The following CELF2 variants were observed in gnomAD, a reference collection of about 807,000 sequenced individuals.
The protein encoded by CELF2 is CUG triplet repeat RNA-binding protein 2.
CELF2 carries 8 observed loss-of-function variants against 62.6 expected under a neutral mutation model. The ratio of observed to expected loss-of-function variants is 0.13; its 90% CI spans 0.07 to 0.23. The LOEUF (loss-of-function observed/expected upper bound fraction) is 0.23, where lower values mean the gene tolerates loss of function less well. CELF2 is among the 10% of genes least tolerant of loss of function. The pLI is 1.00. For missense variants in CELF2, 333 were observed against 671.0 expected, an observed-to-expected ratio of 0.50 and a Z score of 5.56; for synonymous variants, 258 against 250.0, an observed-to-expected ratio of 1.03 and a Z score of -0.30.
At chr10:10,468,657 A>G in the CELF2 span, among the ~76,000 whole-genome samples, 136 of 152,114 alleles carry the variant, frequency 8.9e-4, 1 homozygote, top group Middle Eastern at 6.8e-3. Flanking sequence ...GGCCTCTTCA[A>G]CTAGGGCGTG....
chr10:10,869,701 G>A (rs2060614394), intron 1 of CELF2, among the ~76,000 whole-genome samples: 1 of 152,122 alleles, frequency 6.6e-6, no homozygotes, highest in Admixed American at 6.5e-5. Context: ...CAGCCTTTGG[G>A]ATCCTCCATC....
the CELF2 span, among the ~76,000 whole-genome samples, chr10:10,639,694 G>A: frequency 2.0e-5 from 3 of 152,204 alleles, no homozygotes; most frequent in East Asian, 3.9e-4. Context: ...TTTATGTTTC[G>A]TGTAGGCTTT....
chr10:11,189,069 G>C (rs1383774312), intron 2 of CELF2, among the ~76,000 whole-genome samples: 1 of 152,124 alleles, frequency 6.6e-6, no homozygotes, highest in East Asian at 1.9e-4. Context: ...TCTAGCATCT[G>C]TATGATTATT....
At chr10:10,975,044 A>G (rs1435092165) in intron 2 of CELF2, among the ~76,000 whole-genome samples, 1 of 152,222 alleles carries the variant, frequency 6.6e-6, no homozygotes, top group Non-Finnish European at 1.5e-5. Flanking sequence ...TAGCCTCAGG[A>G]GCACAGGTTT....
chr10:10,724,705 A>G, the CELF2 span, among the ~76,000 whole-genome samples: 1 of 151,432 alleles, frequency 6.6e-6, no homozygotes, highest in South Asian at 2.1e-4. Context: ...TCTGCAACCT[A>G]AGTATGTGGG....
the CELF2 span, among the ~76,000 whole-genome samples, chr10:10,605,090 C>T: frequency 3.9e-4 from 60 of 152,252 alleles, no homozygotes; most frequent in African/African-American, 1.4e-3. Context: ...ACTATGCAGC[C>T]ATTAAAAAGA....
chr10:11,324,297 G>T lies in CELF2; in HGVS notation c.1295-1539G>T, dbSNP rs572766676. 6.6e-6 allele frequency among the ~76,000 whole-genome samples: 1 copy of T among 152,328 alleles called. No individual in the cohort carries two copies. The highest frequency in any genetic ancestry group is 2.1e-4 in the South Asian group (1 of 4,828). ...GTGCATTTGGATCTTTTGTGCAGTA[G>T]CAACATGAAAGCTGGTAGCACCAAA... On this transcript the variant is annotated intron_variant, in intron 11 of 12. Transcript: ENST00000633077. This position sits in a 1 kb window ranked among gnomAD's most constrained non-coding sequence, Gnocchi z 4.7.
intron 1 of CELF2, among the ~76,000 whole-genome samples, chr10:11,129,790 G>A (rs1252246179): frequency 2.0e-5 from 3 of 152,142 alleles, no homozygotes; most frequent in Admixed American, 2.0e-4. Context: ...CTTGCTAGAG[G>A]TCTACCAATT....
the CELF2 span, among the ~76,000 whole-genome samples, chr10:10,503,404 GTGCTTGATGTATACACACTTAGGA>G: frequency 2.0e-5 from 3 of 151,860 alleles, no homozygotes; most frequent in Non-Finnish European, 4.4e-5. Context: ...TTGCAACCCT[GTGCTTGATGTATACACACTTAGGA>G]TTGTTATATC....
Position 11,121,695 on chromosome 10 carries a change from A to AT in CELF2, c.75-43783dup, listed in dbSNP as rs201186281. 1.9e-4 allele frequency among the ~76,000 whole-genome samples: 28 copies of AT among 150,678 alleles called. No individual in the cohort carries two copies. The Middle Eastern group carries it at 0.01, about 55-fold the overall frequency. On this transcript the variant is annotated intron_variant, in intron 1 of 12. Coordinates refer to ENST00000633077, the MANE Select transcript of CELF2 (RefSeq NM_001326342.2). ...GCTTGCCTAGTGCTAAGAGGCTAGTATTTTTTTTGTTTTTTTTACTGTCTT... is the reference window on the plus strand; with the variant it reads ...GCTTGCCTAGTGCTAAGAGGCTAGTATTTTTTTTTGTTTTTTTTACTGTCTT...
chr10:11,084,887 A>G (rs773854337), intron 1 of CELF2, among the ~76,000 whole-genome samples: 5 of 152,238 alleles, frequency 3.3e-5, no homozygotes, highest in Admixed American at 6.5e-5. Context: ...ACGCTTTTAA[A>G]TAAACCCAAT....
intron 2 of CELF2, among the ~76,000 whole-genome samples, chr10:10,932,672 GTGTA>G (rs1475408271): frequency 1.5e-5 from 2 of 130,434 alleles, no homozygotes; most frequent in African/African-American, 5.5e-5. Context: ...AAATATGTAT[GTGTA>G]TGTGTGTGTG....
At chr10:10,830,228 T>C (rs1460063095) in intron 1 of CELF2, among the ~76,000 whole-genome samples, 1 of 150,048 alleles carries the variant, frequency 6.7e-6, no homozygotes, top group Non-Finnish European at 1.5e-5. Flanking sequence ...TGTGAAAAGA[T>C]TTCCAAACGG....
At chr10:11,240,143 C>T (rs1177591028) in intron 3 of CELF2, among the ~76,000 whole-genome samples, 2 of 152,172 alleles carry the variant, frequency 1.3e-5, no homozygotes, top group Non-Finnish European at 2.9e-5. Flanking sequence ...TAGGTAAATG[C>T]CATATATTCT....
chr10:10,660,263 T>A, the CELF2 span, among the ~76,000 whole-genome samples: 1 of 152,248 alleles, frequency 6.6e-6, no homozygotes, highest in Admixed American at 6.5e-5. Flanking sequence ...TATGATGTCA[T>A]AGCAACATTG....
chr10:10,982,241 C>A (rs1209483891), intron 2 of CELF2, among the ~76,000 whole-genome samples: 1 of 152,060 alleles, frequency 6.6e-6, no homozygotes, highest in African/African-American at 2.4e-5. Flanking sequence ...AGGTGTGAGC[C>A]ACCATGCTCA....
chr10:11,155,184 C>A (rs568072724), intron 1 of CELF2, among the ~76,000 whole-genome samples: 1 of 152,176 alleles, frequency 6.6e-6, no homozygotes, highest in African/African-American at 2.4e-5. Flanking sequence ...TATATATTTC[C>A]CGGCCTCCTT....
At chr10:10,906,389 C>G (rs2063341773) in intron 1 of CELF2, among the ~76,000 whole-genome samples, 1 of 152,194 alleles carries the variant, frequency 6.6e-6, no homozygotes, top group African/African-American at 2.4e-5. Flanking sequence ...ACTCACTGTC[C>G]TAAGTGTTGG....
At chr10:10,791,709 C>A in the CELF2 span, among the ~76,000 whole-genome samples, 1 of 152,180 alleles carries the variant, frequency 6.6e-6, no homozygotes, top group East Asian at 1.9e-4. Flanking sequence ...TACGTTTTAT[C>A]ACGGCTCCCC....
Sources: allele counts gnomAD v4.1 joint callset (sites outside exome capture counted in the v4.1 genomes callset), GRCh38; gene constraint gnomAD v4.1.1; non-coding constraint Gnocchi (gnomAD v3.1); transcripts MANE v1.5; gene names NCBI Gene and HGNC (gene_info 2026-07-23, HGNC 2026-07-21).